The following ALOX12B variants were observed in gnomAD, a reference collection of about 807,000 sequenced individuals.
The protein encoded by ALOX12B is arachidonate 12-lipoxygenase, 12R type, also known as arachidonate 12-lipoxygenase, 12R-type.
In ALOX12B, 47 loss-of-function variants were observed where a neutral mutation model predicts 78.9. The observed-to-expected ratio is 0.60, with a 90% CI of 0.47 to 0.76. The LOEUF is 0.76. Among genes scored for constraint, ALOX12B ranks in the 30% least tolerant of loss-of-function variants. The pLI, the probability that ALOX12B is intolerant of heterozygous loss-of-function variation, is 0.00. For synonymous variants in ALOX12B, 370 were observed against 374.5 expected (o/e 0.99, Z 0.14); for missense variants, 805 against 922.6 (o/e 0.87, Z 1.65).
chr17:8,084,757 T>C (rs1978292114), intron 2 of ALOX12B, among the ~76,000 whole-genome samples: 1 of 152,198 alleles, frequency 6.6e-6, no homozygotes, highest in Non-Finnish European at 1.5e-5. Flanking sequence ...CTTCGGGCCC[T>C]GGGTGTCCTC....
chr17:8,083,472 T>C (rs1978289725), intron 2 of ALOX12B, among the ~76,000 whole-genome samples: 1 of 152,206 alleles, frequency 6.6e-6, no homozygotes, highest in Non-Finnish European at 1.5e-5. Context: ...GGTTCACGCC[T>C]GTAATCCCAG....
At chr17:8,073,885 A>ACCGTGCCTCATCCGTAGG (rs1977032971) in intron 12 of ALOX12B, 128 bp from the exon 13 acceptor site, 15 of 761,328 alleles carry the variant, frequency 2.0e-5, no homozygotes, top group Non-Finnish European at 3.5e-5. Flanking sequence ...CCGTACCCTC[A>ACCGTGCCTCATCCGTAGG]TCCTGCCTGC....
rs755918478 is a variant in ALOX12B at position 8,079,885 on chromosome 17, C to G, written c.811G>C (p.Gly271Arg). ...CGGCGGATCAGGCCGGGGTTGACGC[C>G]GTTGAGGTACTGGTACCCAAAGAAG... ...DTFFGYQYLN[G>R]VNPGLIRRCT... The change falls in exon 7 of 15, where the codon GGC becomes CGC. Residue 271 changes from glycine to arginine, a missense_variant. Gly to Arg is a moderately radical substitution (Grantham distance 125). Coordinates refer to ENST00000647874, the MANE Select transcript of ALOX12B (RefSeq NM_001139.3). The surrounding 1 kb of genome is among the most constrained non-coding windows in gnomAD (Gnocchi z 6.4). 6.2e-7 allele frequency: 1 copy of G among 1,613,328 alleles called. No individual in the cohort carries two copies. Among genetic ancestry groups the G allele is most frequent in the South Asian group, 1.1e-5 (1 of 91,042 alleles).
chr17:8,077,121 TG>T lies in ALOX12B; in HGVS notation c.1143del (p.Lys382ArgfsTer33), dbSNP rs752836292. ...PSDSEWDWLL[A>X]KTWVRYAEFY... Reference sequence around the variant, plus strand: ...AACTCCGCATAGCGTACCCACGTCTTGGCTAGCAGCCAGTCCCACTCAGAAT... The same window carrying T: ...AACTCCGCATAGCGTACCCACGTCTTGCTAGCAGCCAGTCCCACTCAGAAT... On this transcript the variant is annotated frameshift_variant, in exon 9 of 15. Transcript: ENST00000647874. LOFTEE classifies it high-confidence loss of function. The T allele has an allele frequency of 6.2e-7, 1 of 1,613,488 alleles. No homozygotes were observed. Among genetic ancestry groups the T allele is most frequent in the South Asian group, 1.1e-5 (1 of 91,078 alleles).
chr17:8,085,924 G>A (rs1978295489), intron 2 of ALOX12B, 92 bp downstream of exon 2: 7 of 1,490,358 alleles, frequency 4.7e-6, no homozygotes, highest in Non-Finnish European at 6.5e-6. Flanking sequence ...GCCCCCCTCT[G>A]GCTTGATGGG....
rs758569459 is a variant in ALOX12B, at chr17:8,080,163, G to A, written c.754+72C>T. The A allele has an allele frequency of 1.4e-5, 21 of 1,555,046 alleles. No homozygotes were observed. The highest frequency in any genetic ancestry group is 1.9e-5 in the Non-Finnish European group (21 of 1,126,680). Reference sequence around the variant, plus strand: ...GCCTCTCCCGTCCCACTGCCCCGAAGTCGGGGGCCTGCCTAGCACGCCGGA... The same window carrying A: ...GCCTCTCCCGTCCCACTGCCCCGAAATCGGGGGCCTGCCTAGCACGCCGGA... On this transcript the variant is annotated intron_variant, in intron 6 of 14. Transcript: ENST00000647874. The surrounding 1 kb of genome is among the most constrained non-coding windows in gnomAD (Gnocchi z 4.8).
In ALOX12B at chr17:8,079,278, G is replaced by A; in HGVS notation, c.1071+118C>T. On this transcript the variant is annotated intron_variant, in intron 8 of 14. Transcript: ENST00000647874. This position sits in a 1 kb window ranked among gnomAD's most constrained non-coding sequence, Gnocchi z 6.4. The stretch of plus-strand genomic sequence containing the variant: ...GAGGTCCTGGAACCAATCTCTCAAG[G>A]ATAACGAGAGACGGCTGAATACATG... 1 of 1,424,150 alleles carries A rather than the reference G, an allele frequency of 7.0e-7. No homozygotes were observed. Among genetic ancestry groups the A allele is most frequent in the South Asian group, 1.4e-5 (1 of 74,032 alleles). The allele number at this position is 1,424,150 out of a possible 1,614,324, so 88.2% of individuals were successfully genotyped here. A position where few individuals can be genotyped will look rare whatever the true frequency, so the allele number is the denominator to read the frequency against.
At position 8,077,035 on chromosome 17, in the gene ALOX12B, G is replaced by A. The variant is rs757522470; in HGVS notation, c.1230C>T (p.Cys410=). The change falls in exon 9 of 15, where the codon TGC becomes TGT. Residue 410 remains cysteine, a synonymous_variant. Transcript: ENST00000647874. ...LETHLIAEAF[C]LALLRNLPMC... is the part of the protein sequence containing the mutation. Reference sequence around the variant, plus strand: ...TGGGCAGGTTCCTCAGCAAGGCCAGGCAGAAGGCCTCAGCAATGAGGTGTG... The same window carrying A: ...TGGGCAGGTTCCTCAGCAAGGCCAGACAGAAGGCCTCAGCAATGAGGTGTG... 3 of 1,613,994 alleles carry A rather than the reference G, an allele frequency of 1.9e-6. No individual in the cohort carries two copies. The South Asian group carries it at 3.3e-5, about 18-fold the overall frequency.
intron 2 of ALOX12B, among the ~76,000 whole-genome samples, chr17:8,082,123 T>G (rs1977229838): frequency 6.6e-6 from 1 of 152,260 alleles, no homozygotes; most frequent in Non-Finnish European, 1.5e-5. Context: ...CCACATTTTC[T>G]TTATCCAGTC....
At position 8,080,363 on chromosome 17, in the gene ALOX12B, G is replaced by T. The variant is rs2304906; in HGVS notation, c.651-25C>A. 8 of 1,612,168 alleles carry T rather than the reference G, an allele frequency of 5.0e-6. No homozygotes were observed. The highest frequency in any genetic ancestry group is 1.6e-4 in the Middle Eastern group (1 of 6,080). ...CCTAGGAGATGGGATTCCAGGAAGA[G>T]GCCTTCAGAGGGGCTGCCAAGCGCC... On this transcript the variant is annotated intron_variant, in intron 5 of 14. Transcript: ENST00000647874. The surrounding 1 kb of genome is among the most constrained non-coding windows in gnomAD (Gnocchi z 4.8).
At position 8,075,794 on chromosome 17, in the gene ALOX12B, G is replaced by A. The variant is rs866253356; in HGVS notation, c.1533-78C>T. ...GCCAGGCTTCTCCCACCTCCCCCAG[G>A]GTGCCCTGACCTCAGTTGGCCCCAG... On this transcript the variant is annotated intron_variant, in intron 11 of 14. Coordinates refer to ENST00000647874, the MANE Select transcript of ALOX12B (RefSeq NM_001139.3). The A allele has an allele frequency of 2.3e-4, 369 of 1,612,496 alleles. 6 individuals are homozygous for A. In the Middle Eastern group the frequency reaches 0.011, roughly 46 times the overall value.
chr17:8,087,316 T>TC lies in ALOX12B; in HGVS notation c.126dup (p.Arg43GlufsTer21). 1 of 1,613,288 alleles carries TC rather than the reference T, an allele frequency of 6.2e-7. No individual in the cohort carries two copies. The highest frequency in any genetic ancestry group is 1.7e-5 in the Admixed American group (1 of 59,954). ...CTTACCGCCCCAGTTGCAAAGTCTC[T>TC]CCCAAAGTGGTTCAGCAGCTGCTTA... On this transcript the variant is annotated frameshift_variant, in exon 1 of 15. Transcript: ENST00000647874. LOFTEE classifies it high-confidence loss of function.
chr17:8,087,033 T>C (rs1321393861), intron 1 of ALOX12B, among the ~76,000 whole-genome samples: 1 of 151,924 alleles, frequency 6.6e-6, no homozygotes, highest in Non-Finnish European at 1.5e-5. Context: ...TGGAGAAGGA[T>C]GGCCCAGAGA....
At chr17:8,077,635 C>G (rs1379383322) in intron 8 of ALOX12B, among the ~76,000 whole-genome samples, 1 of 152,198 alleles carries the variant, frequency 6.6e-6, no homozygotes, top group African/African-American at 2.4e-5. Flanking sequence ...TGGCCCATCC[C>G]CCCAGAGGGA....
At chr17:8,081,260 C>T in intron 2 of ALOX12B, 73 bp from the exon 3 acceptor site, 1 of 1,501,008 alleles carries the variant, frequency 6.7e-7, no homozygotes, top group Non-Finnish European at 9.3e-7. Context: ...AGGAGTTCAG[C>T]TTCTGTGCCC....
At chr17:8,086,354 G>A (rs1978298424) in intron 1 of ALOX12B, 134 bp from the exon 2 acceptor site, 1 of 890,600 alleles carries the variant, frequency 1.1e-6, no homozygotes, top group Non-Finnish European at 1.8e-6. Flanking sequence ...GGAGGGACAG[G>A]ATATTGACCT....
At chr17:8,076,080 C>T in intron 11 of ALOX12B, 95 bp downstream of exon 11, 1 of 1,535,954 alleles carries the variant, frequency 6.5e-7, no homozygotes, top group Non-Finnish European at 8.9e-7. Flanking sequence ...TGGATGACAC[C>T]AGACCCACAC....
chr17:8,086,237 C>T lies in ALOX12B; in HGVS notation c.148-17G>A. 6.2e-7 allele frequency: 1 copy of T among 1,612,732 alleles called. No homozygotes were observed. Among genetic ancestry groups the T allele is most frequent in the East Asian group, 2.2e-5 (1 of 44,840 alleles). ...CTGGCCCACCTAGGCAGGATGCAAG[C>T]CTGGCTGAGTGGGCAGGACTTCACC... On this transcript the variant is annotated splice_polypyrimidine_tract_variant and intron_variant, in intron 1 of 14. Transcript: ENST00000647874.
chr17:8,073,790 A>C (rs1450479516), intron 12 of ALOX12B, 33 bp from the exon 13 acceptor site: 1 of 1,564,180 alleles, frequency 6.4e-7, no homozygotes, highest in Non-Finnish European at 8.8e-7. Context: ...AGGCGACATC[A>C]GTCGTGCCCT....
Sources: gnomAD v4.1 joint callset for allele counts (sites outside exome capture counted in the v4.1 genomes callset) on GRCh38, gnomAD v4.1.1 for gene constraint, Gnocchi (gnomAD v3.1) non-coding constraint, MANE v1.5 for transcripts, NCBI Gene and HGNC (gene_info 2026-07-23, HGNC 2026-07-21) for gene names.